The following MAK16 variants were observed in gnomAD, a reference collection of about 807,000 sequenced individuals.
MAK16 encodes the protein protein MAK16 homolog.
A neutral mutation model predicts 49.9 loss-of-function variants in MAK16; 12 were observed. That is an observed-to-expected ratio of 0.24 (90% confidence interval 0.15 to 0.39). The LOEUF is 0.39. Ranked by LOEUF, MAK16 falls within the 10% of genes least tolerant of loss-of-function variation. The pLI is 1.00. For missense variants in MAK16, 292 were observed against 363.7 expected, an observed-to-expected ratio of 0.80 and a Z score of 1.60; for synonymous variants, 115 against 126.4, an observed-to-expected ratio of 0.91 and a Z score of 0.60.
chr8:33,497,443 G>A (rs1272664513), intron 9 of MAK16, 146 bp downstream of exon 9: 3 of 616,498 alleles, frequency 4.9e-6, no homozygotes, highest in Non-Finnish European at 8.7e-6. Flanking sequence ...TTTGAGCTCA[G>A]GAGTTCGAGA....
At position 33,499,555 on chromosome 8, in the gene MAK16, C is replaced by T. The variant is rs1808987010; in HGVS notation, c.*926C>T. Reference sequence around the variant, plus strand: ...AGCAGAATTCCAGCCAAGGCAAATTCAGTTGGATCTAGGGCTTGAAAACTG... The same window carrying T: ...AGCAGAATTCCAGCCAAGGCAAATTTAGTTGGATCTAGGGCTTGAAAACTG... On this transcript the variant is annotated 3_prime_UTR_variant, in exon 10 of 10. Coordinates refer to ENST00000360128, the MANE Select transcript of MAK16 (RefSeq NM_032509.4). The T allele has an allele frequency of 2.8e-6, 1 of 361,126 alleles. No individual in the cohort carries two copies. Among genetic ancestry groups the T allele is most frequent in the African/African-American group, 2.1e-5 (1 of 47,694 alleles). The allele number at this position is 361,126 out of a possible 1,614,324, so 22.4% of individuals were successfully genotyped here.
chr8:33,492,681 C>T (rs188255337), intron 6 of MAK16, among the ~76,000 whole-genome samples: 1 of 152,106 alleles, frequency 6.6e-6, no homozygotes, highest in African/African-American at 2.4e-5. Flanking sequence ...GTTCGTGGCA[C>T]GTTTGTCGAA....
chr8:33,497,861 C>T (rs1004493215), intron 9 of MAK16, among the ~76,000 whole-genome samples: 14 of 151,392 alleles, frequency 9.2e-5, no homozygotes, highest in Admixed American at 3.3e-4. Flanking sequence ...TTTGGGAGGC[C>T]GAGGTGGGCG....
Position 33,499,114 on chromosome 8 carries a change from C to G in MAK16, c.*485C>G, listed in dbSNP as rs375758308. ...AATATCTTTTTTTCTTAAATAACTC[C>G]ATTCATACAAATTGGGATGGGAAGA... On this transcript the variant is annotated 3_prime_UTR_variant, in exon 10 of 10. Transcript: ENST00000360128. 5.8e-5 allele frequency: 78 copies of G among 1,335,590 alleles called. No individual in the cohort carries two copies. In the South Asian group the frequency reaches 6.5e-4, roughly 11 times the overall value. 82.7% of individuals were successfully genotyped at this position (1,335,590 alleles called of 1,614,324 possible). A position where few individuals can be genotyped will look rare whatever the true frequency, so the allele number is the denominator to read the frequency against.
intron 1 of MAK16, among the ~76,000 whole-genome samples, chr8:33,487,428 CT>C (rs11292522): frequency 0.59 from 84,430 of 143,172 alleles, 24,371 homozygotes; most frequent in Non-Finnish European, 0.63. Context: ...ACCATGAAGC[CT>C]TTTTTTTTTT....
intron 6 of MAK16, among the ~76,000 whole-genome samples, chr8:33,493,223 G>A (rs1347524902): frequency 1.3e-5 from 2 of 152,056 alleles, no homozygotes; most frequent in Admixed American, 6.6e-5. Context: ...GTGCAGTTTT[G>A]GCTCACTGCA....
In MAK16 at chr8:33,490,355, G is replaced by C. The variant is rs1315171998; in HGVS notation, c.447+16G>C. ...AAGAAGAGAGGTAACTTATTGTTGA[G>C]ATATTCATACCTTCTACATTTTCTT... On this transcript the variant is annotated intron_variant, in intron 6 of 9. Coordinates refer to ENST00000360128, the MANE Select transcript of MAK16 (RefSeq NM_032509.4). 4.4e-6 allele frequency: 7 copies of C among 1,606,080 alleles called. No individual in the cohort carries two copies. Among genetic ancestry groups the C allele is most frequent in the South Asian group, 2.2e-5 (2 of 90,770 alleles).
Position 33,498,452 on chromosome 8 carries a change from C to T in MAK16, c.726C>T (p.Ala242=), listed in dbSNP as rs780244840. 2 of 1,613,876 alleles carry T rather than the reference C, an allele frequency of 1.2e-6. No homozygotes were observed. Among genetic ancestry groups the T allele is most frequent in the Non-Finnish European group, 1.7e-6 (2 of 1,179,988 alleles). Reference sequence around the variant, plus strand: ...AATAGGATATGGATAAACTGGATGCCAGCAGTGATGAAGATCAGGATGGTA... The same window carrying T: ...AATAGGATATGGATAAACTGGATGCTAGCAGTGATGAAGATCAGGATGGTA... The part of the protein sequence containing the change: ...SDFEDMDKLD[A]SSDEDQDGKS... The change falls in exon 10 of 10, where the codon GCC becomes GCT. Residue 242 remains alanine, a synonymous_variant. Transcript: ENST00000360128.
Position 33,489,147 on chromosome 8 carries a change from T to G in MAK16, c.392+8T>G, listed in dbSNP as rs1172527517. On this transcript the variant is annotated splice_region_variant and intron_variant, in intron 5 of 9. Transcript: ENST00000360128. This position sits in a 1 kb window ranked among gnomAD's most constrained non-coding sequence, Gnocchi z 4.2. ...ACTTACACTAAAGCGACAGTAAGTA[T>G]TTGGATCATTCATTATTTTTAAATC... 1 of 1,599,984 alleles carries G rather than the reference T, an allele frequency of 6.3e-7. No individual in the cohort carries two copies. Among genetic ancestry groups the G allele is most frequent in the Non-Finnish European group, 8.5e-7 (1 of 1,173,084 alleles).
At chr8:33,488,327 A>G in intron 1 of MAK16, 51 bp from the exon 2 acceptor site, 5 of 1,563,108 alleles carry the variant, frequency 3.2e-6, no homozygotes, top group Middle Eastern at 1.8e-4. Context: ...GAATTAATAT[A>G]GTATCTCTTG....
chr8:33,495,169 G>A lies in MAK16; in HGVS notation c.448-373G>A, dbSNP rs112426662. On this transcript the variant is annotated intron_variant, in intron 6 of 9. Coordinates refer to ENST00000360128, the MANE Select transcript of MAK16 (RefSeq NM_032509.4). Reference sequence around the variant, plus strand: ...GGAATCTAGCATGATTTTAGAAAATGTAAACGAATGAAGATTTCTGTTCTC... The same window carrying A: ...GGAATCTAGCATGATTTTAGAAAATATAAACGAATGAAGATTTCTGTTCTC... Among the ~76,000 whole-genome samples, 1,152 of 152,100 alleles carry A rather than the reference G, an allele frequency of 7.6e-3. 21 individuals are homozygous for A. The highest frequency in any genetic ancestry group is 0.027 in the African/African-American group (1,101 of 41,364).
rs542212374 is a variant in MAK16, at chr8:33,494,486, C to T, written c.448-1056C>T. Among the ~76,000 whole-genome samples, 90 of 152,298 alleles carry T rather than the reference C, an allele frequency of 5.9e-4. No homozygotes were observed. In the Middle Eastern group the frequency reaches 0.01, roughly 17 times the overall value. ...TCATCTATGAATCCGCTTAACTAAG[C>T]AAACATAAACAGTTAAATAGTCGTC... On this transcript the variant is annotated intron_variant, in intron 6 of 9. Transcript: ENST00000360128.
chr8:33,494,224 C>T (rs144524869), intron 6 of MAK16, among the ~76,000 whole-genome samples: 1 of 152,146 alleles, frequency 6.6e-6, no homozygotes, highest in Non-Finnish European at 1.5e-5. Flanking sequence ...CAGGCATACA[C>T]CACTCTGCCC....
rs1390855755 is a variant in MAK16, at chr8:33,499,478, A to G, written c.*849A>G. ...ATAGCTCTCATGTATTGAAGGTGCT[A>G]CTTTAAAAACTGTGTTAATGTACTT... is the stretch of plus-strand genomic sequence containing the variant. On this transcript the variant is annotated 3_prime_UTR_variant, in exon 10 of 10. Transcript: ENST00000360128. The G allele has an allele frequency of 2.0e-6, 1 of 506,562 alleles. No homozygotes were observed. The highest frequency in any genetic ancestry group is 3.5e-6 in the Non-Finnish European group (1 of 284,572). 31.4% of individuals were successfully genotyped at this position (506,562 alleles called of 1,614,324 possible). A position where few individuals can be genotyped will look rare whatever the true frequency, so the allele number is the denominator to read the frequency against.
intron 4 of MAK16, 21 bp downstream of exon 4, chr8:33,488,819 A>G: frequency 1.2e-6 from 2 of 1,613,526 alleles, no homozygotes; most frequent in Non-Finnish European, 1.7e-6. Context: ...CAACAAAACT[A>G]CAGTGACCGC....
intron 1 of MAK16, among the ~76,000 whole-genome samples, chr8:33,485,791 T>C (rs2676395): frequency 0.64 from 97,822 of 152,028 alleles, 31,841 homozygotes; most frequent in African/African-American, 0.71. Context: ...AGAAAAAATG[T>C]CCCACCTCTC....
chr8:33,497,569 C>T (rs569474825), intron 9 of MAK16, among the ~76,000 whole-genome samples: 9 of 151,926 alleles, frequency 5.9e-5, no homozygotes, highest in South Asian at 2.1e-4. Context: ...CTGGGCTCAT[C>T]GCAGCCTCAG....
rs1257666732 is a variant in MAK16 at position 33,498,850 on chromosome 8, A to T, written c.*221A>T. The T allele has an allele frequency of 1.7e-6, 1 of 594,626 alleles. No individual in the cohort carries two copies. The highest frequency in any genetic ancestry group is 1.9e-5 in the African/African-American group (1 of 53,786). The allele number at this position is 594,626 out of a possible 1,614,324, so 36.8% of individuals were successfully genotyped here. A position where few individuals can be genotyped will look rare whatever the true frequency, so the allele number is the denominator to read the frequency against. On this transcript the variant is annotated 3_prime_UTR_variant, in exon 10 of 10. Coordinates refer to ENST00000360128, the MANE Select transcript of MAK16 (RefSeq NM_032509.4). ...GAGTGTTTTTATAGCATATGTGTTGAAGTAACAGCTTGTGCCCGAGAAACT... is the reference window on the plus strand; with the variant it reads ...GAGTGTTTTTATAGCATATGTGTTGTAGTAACAGCTTGTGCCCGAGAAACT...
intron 6 of MAK16, among the ~76,000 whole-genome samples, chr8:33,494,308 C>T (rs374427782): frequency 1.3e-5 from 2 of 152,240 alleles, no homozygotes; most frequent in South Asian, 2.1e-4. Context: ...CTCCTGACGT[C>T]GGGTGATCTG....
Sources: gnomAD v4.1 joint callset for allele counts (sites outside exome capture counted in the v4.1 genomes callset) on GRCh38, gnomAD v4.1.1 for gene constraint, Gnocchi (gnomAD v3.1) non-coding constraint, MANE v1.5 for transcripts, NCBI Gene and HGNC (gene_info 2026-07-23, HGNC 2026-07-21) for gene names.